Variants in C16orf46 observed in about 807,000 individuals in gnomAD.
The protein encoded by C16orf46 is chromosome 16 open reading frame 46, also known as uncharacterized protein C16orf46.
Under a neutral mutation model 5.5 loss-of-function variants are expected in C16orf46, and 7 were observed. The ratio of observed to expected loss-of-function variants is 1.28; its 90% CI spans 0.73 to 2.40. The LOEUF is 2.40. Ranked by LOEUF, C16orf46 falls within the 30% of genes most tolerant of loss-of-function variation. The pLI is 0.00. For synonymous variants in C16orf46, 200 were observed against 184.1 expected, an observed-to-expected ratio of 1.09 and a Z score of -0.70; for missense variants, 614 against 476.0, an observed-to-expected ratio of 1.29 and a Z score of -2.70.
In C16orf46 at chr16:81,063,987, C is replaced by T; in HGVS notation, c.-32G>A. On this transcript the variant is annotated 5_prime_UTR_variant, in exon 3 of 4. Transcript: ENST00000299578. Reference sequence around the variant, plus strand: ...GATGCTTGCTTAAAGTTTTTAACATCTTCTTGCTGTTTAAAAACATGAATG... The same window carrying T: ...GATGCTTGCTTAAAGTTTTTAACATTTTCTTGCTGTTTAAAAACATGAATG... 1 of 1,492,890 alleles carries T rather than the reference C, an allele frequency of 6.7e-7. No homozygotes were observed. Among genetic ancestry groups the T allele is most frequent in the Non-Finnish European group, 9.1e-7 (1 of 1,093,918 alleles). The allele number at this position is 1,492,890 out of a possible 1,614,324, so 92.5% of individuals were successfully genotyped here. A position where few individuals can be genotyped will look rare whatever the true frequency, so the allele number is the denominator to read the frequency against.
downstream of C16orf46, among the ~76,000 whole-genome samples, chr16:81,056,667 G>C (rs575000969): frequency 7.6e-6 from 1 of 132,184 alleles, no homozygotes; most frequent in South Asian, 2.4e-4. Flanking sequence ...CAGCACTCCA[G>C]CCTGGGTAAC....
downstream of C16orf46, among the ~76,000 whole-genome samples, chr16:81,058,356 G>A (rs1475563147): frequency 6.6e-6 from 1 of 152,182 alleles, no homozygotes; most frequent in Non-Finnish European, 1.5e-5. Context: ...TTTTGATCTA[G>A]GAGATTGAAC....
At chr16:81,071,005 A>G (rs2151757017) in intron 1 of C16orf46, among the ~76,000 whole-genome samples, 1 of 152,254 alleles carries the variant, frequency 6.6e-6, no homozygotes, top group African/African-American at 2.4e-5. Context: ...TTGAACCACC[A>G]CGCCATGGTT....
At chr16:81,057,120 C>G (rs1251592139), downstream of C16orf46, among the ~76,000 whole-genome samples, 1 of 152,120 alleles carries the variant, frequency 6.6e-6, no homozygotes, top group African/African-American at 2.4e-5. Context: ...AAAGAATGAT[C>G]CAGCCCCAAA....
rs568775280 is a variant in C16orf46 at position 81,071,588 on chromosome 16, T to A, written c.-127-5307A>T. Among the ~76,000 whole-genome samples, 9 of 151,688 alleles carry A rather than the reference T, an allele frequency of 5.9e-5. No individual in the cohort carries two copies. The South Asian group carries it at 1.9e-3, about 32-fold the overall frequency. ...ACAGAGATACCCCATCACTAGAAAA[T>A]TTTTTTTAATGGCCAGGCGTGGTGG... On this transcript the variant is annotated intron_variant, in intron 1 of 3. Transcript: ENST00000299578.
chr16:81,057,442 G>C (rs756927714), downstream of C16orf46, among the ~76,000 whole-genome samples: 35 of 151,250 alleles, frequency 2.3e-4, no homozygotes, highest in African/African-American at 8.5e-4. Flanking sequence ...CCACCTACTC[G>C]TGAGTCTGAG....
chr16:81,063,785 T>C lies in C16orf46; in HGVS notation c.171A>G (p.Lys57=). The part of the protein sequence containing the change: ...VSDITLEQDE[K]AKEFIIGTGW... ...CAGTTCCAATAATAAACTCTTTGGC[T>C]TTTTCATCTTGTTCAAGCGTAATGT... Residue 57 remains lysine, a synonymous_variant, in exon 3 of 4, where the codon AAA becomes AAG. Transcript: ENST00000299578. The C allele has an allele frequency of 1.9e-6, 3 of 1,614,054 alleles. No homozygotes were observed. The highest frequency in any genetic ancestry group is 2.5e-6 in the Non-Finnish European group (3 of 1,179,976).
At chr16:81,060,714 A>C (rs1180850789), downstream of C16orf46, 2 of 164,962 alleles carry the variant, frequency 1.2e-5, no homozygotes, top group African/African-American at 4.8e-5. Flanking sequence ...AGTTTGGTCT[A>C]AACCAGCCCA....
downstream of C16orf46, among the ~76,000 whole-genome samples, chr16:81,057,062 G>A (rs1055003553): frequency 4.6e-4 from 70 of 152,196 alleles, no homozygotes; most frequent in Middle Eastern, 0.01. Flanking sequence ...ATATGTCAAG[G>A]CCAGGGATGC....
chr16:81,076,775 A>G (rs953731563), intron 1 of C16orf46, among the ~76,000 whole-genome samples: 10 of 151,054 alleles, frequency 6.6e-5, no homozygotes, highest in African/African-American at 2.4e-4. Flanking sequence ...TCCTCCCTTT[A>G]TGCCATAAGC....
chr16:81,061,245 C>T lies in C16orf46; in HGVS notation c.1104G>A (p.Glu368=). The change falls in exon 4 of 4, where the codon GAG becomes GAA. Residue 368 remains glutamate (E), a synonymous_variant. Transcript: ENST00000299578. ...AKQENRPQML[E]TKVFPRPVLP... ...AGACAGGTCTTGGGAAAACTTTGGT[C>T]TCCAGCATTTGGGGCCTGTTTTCCT... 6.2e-7 allele frequency: 1 copy of T among 1,614,110 alleles called. No individual in the cohort carries two copies. The highest frequency in any genetic ancestry group is 8.5e-7 in the Non-Finnish European group (1 of 1,180,022).
chr16:81,061,487 T>C lies in C16orf46; in HGVS notation c.862A>G (p.Ile288Val), dbSNP rs1231213667. 1 of 1,614,132 alleles carries C rather than the reference T, an allele frequency of 6.2e-7. No homozygotes were observed. Among genetic ancestry groups the C allele is most frequent in the Non-Finnish European group, 8.5e-7 (1 of 1,180,026 alleles). ...TPSSPSPAAQ[I>V]SLLTDPEQRC... ...TGCTCCGGATCGGTCAGCAGGGATATCTGGGCCGCTGGGGAAGGGGAGGAT... is the reference window on the plus strand; with the variant it reads ...TGCTCCGGATCGGTCAGCAGGGATACCTGGGCCGCTGGGGAAGGGGAGGAT... The change falls in exon 4 of 4, where the codon ATA becomes GTA. Residue 288 changes from isoleucine (I) to valine (V), a missense_variant. Ile to Val is a conservative substitution (Grantham distance 29, BLOSUM62 3). Transcript: ENST00000299578.
At chr16:81,059,997 C>T (rs1243710187), downstream of C16orf46, among the ~76,000 whole-genome samples, 1 of 151,712 alleles carries the variant, frequency 6.6e-6, no homozygotes, top group Non-Finnish European at 1.5e-5. Context: ...ACCGTGTTAG[C>T]CAGGATGGTC....
At position 81,061,077 on chromosome 16, in the gene C16orf46, G is replaced by C. The variant is rs1206861346; in HGVS notation, c.*84C>G. On this transcript the variant is annotated 3_prime_UTR_variant, in exon 4 of 4. Transcript: ENST00000299578. Reference sequence around the variant, plus strand: ...GGAGGAGAGAAAGAGAGAGTGGGGGGTGGGTGGGAAATGAGAGAGAAGAAA... The same window carrying C: ...GGAGGAGAGAAAGAGAGAGTGGGGGCTGGGTGGGAAATGAGAGAGAAGAAA... 2 of 1,454,778 alleles carry C rather than the reference G, an allele frequency of 1.4e-6. No individual in the cohort carries two copies. The highest frequency in any genetic ancestry group is 2.3e-5 in the Admixed American group (1 of 42,740). 90.1% of individuals were successfully genotyped at this position (1,454,778 alleles called of 1,614,324 possible). A position where few individuals can be genotyped will look rare whatever the true frequency, so the allele number is the denominator to read the frequency against.
At position 81,063,711 on chromosome 16, in the gene C16orf46, G is replaced by A. The variant is rs371977510; in HGVS notation, c.210+35C>T. The A allele has an allele frequency of 3.1e-5, 49 of 1,556,838 alleles. No homozygotes were observed. The East Asian group carries it at 8.1e-4, about 26-fold the overall frequency. ...CTTGCACCAAAACACTGATGTGCGA[G>A]AGACAGAAAAGCTGTGACTCAGAAA... On this transcript the variant is annotated intron_variant, in intron 3 of 3. Coordinates refer to ENST00000299578, the MANE Select transcript of C16orf46 (RefSeq NM_152337.3).
intron 1 of C16orf46, among the ~76,000 whole-genome samples, chr16:81,067,621 C>A (rs1010616610): frequency 2.6e-5 from 4 of 151,970 alleles, no homozygotes; most frequent in Admixed American, 6.6e-5. Context: ...GGTGTGATCT[C>A]GGATCACTGC....
At position 81,053,812 on chromosome 16, in the gene C16orf46, ATAT is replaced by A. The variant is rs577984218; in HGVS notation, c.*256_*258del. 175 of 388,056 alleles carry A rather than the reference ATAT, an allele frequency of 4.5e-4. 1 individual carries two copies. The highest frequency in any genetic ancestry group is 3.3e-3 in the African/African-American group (162 of 49,330). The allele number at this position is 388,056 out of a possible 1,614,324, so 24.0% of individuals were successfully genotyped here. Reference sequence around the variant, plus strand: ...GACTTTGTTATTTTCAAAAGTACATATATTATATTACCTCTGCATATAACCTCT... The same window carrying A: ...GACTTTGTTATTTTCAAAAGTACATATATATTACCTCTGCATATAACCTCT... On this transcript the variant is annotated 3_prime_UTR_variant, in exon 4 of 4. Transcript: ENST00000378611.
downstream of C16orf46, among the ~76,000 whole-genome samples, chr16:81,059,992 G>C (rs1417875268): frequency 6.6e-6 from 1 of 151,870 alleles, no homozygotes; most frequent in East Asian, 1.9e-4. Flanking sequence ...GTTTCACCGT[G>C]TTAGCCAGGA....
rs776485149 is a variant in C16orf46 at position 81,061,202 on chromosome 16, T to G, written c.1147A>C (p.Ser383Arg). The G allele has an allele frequency of 2.5e-6, 4 of 1,613,686 alleles. No homozygotes were observed. In the South Asian group the frequency reaches 4.4e-5, roughly 18 times the overall value. Residue 383 changes from serine (S) to arginine (R), a missense_variant, in exon 4 of 4, where the codon AGC becomes CGC. Ser to Arg is a moderately radical substitution (Grantham distance 110). Transcript: ENST00000299578. ...PRPVLPSLTV[S>R]RVIIPVSTHR... ...GTAGAGACAGGAATGATAACTCTGC[T>G]CACTGTGAGAGACGGCAAGACAGGT...
Sources: gnomAD v4.1 joint callset for allele counts (sites outside exome capture counted in the v4.1 genomes callset) on GRCh38, gnomAD v4.1.1 for gene constraint, MANE v1.5 for transcripts, NCBI Gene and HGNC (gene_info 2026-07-23, HGNC 2026-07-21) for gene names.